The following RAB27B variants were observed in gnomAD, a reference collection of about 807,000 sequenced individuals.
RAB27B encodes RAB27B, member RAS oncogene family.
A neutral mutation model predicts 24.6 loss-of-function variants in RAB27B; 15 were observed. The observed-to-expected ratio is 0.61, with a 90% CI of 0.41 to 0.94. The LOEUF (loss-of-function observed/expected upper bound fraction) is 0.94, where lower values mean the gene tolerates loss of function less well. RAB27B is among the 40% of genes least tolerant of loss of function. The pLI is 0.00. For missense variants in RAB27B, 261 were observed against 266.8 expected, an observed-to-expected ratio of 0.98 and a Z score of 0.15; for synonymous variants, 105 against 92.5, an observed-to-expected ratio of 1.14 and a Z score of -0.78.
intron 2 of RAB27B, among the ~76,000 whole-genome samples, chr18:54,786,005 T>C (rs1439968932): frequency 6.6e-6 from 1 of 152,210 alleles, no homozygotes; most frequent in Admixed American, 6.5e-5. Context: ...AAAACCACAT[T>C]CTCTTTCCAT....
At chr18:54,782,334 C>G (rs557249808) in intron 2 of RAB27B, among the ~76,000 whole-genome samples, 1 of 152,270 alleles carries the variant, frequency 6.6e-6, no homozygotes, top group African/African-American at 2.4e-5. Context: ...TTAGCACAGA[C>G]TTGGAAAATT....
chr18:54,782,090 G>A (rs1261600135), intron 2 of RAB27B, among the ~76,000 whole-genome samples: 1 of 152,162 alleles, frequency 6.6e-6, no homozygotes, highest in Non-Finnish European at 1.5e-5. Context: ...ATTTACTCTT[G>A]GCTATCATGC....
At chr18:54,836,704 G>A (rs1210513151) in intron 1 of RAB27B, among the ~76,000 whole-genome samples, 1 of 151,950 alleles carries the variant, frequency 6.6e-6, no homozygotes, top group Non-Finnish European at 1.5e-5. Flanking sequence ...CTAAAAGTGT[G>A]TAGACATTAA....
intron 2 of RAB27B, among the ~76,000 whole-genome samples, chr18:54,760,858 A>G (rs1188151056): frequency 6.6e-6 from 1 of 152,172 alleles, no homozygotes; most frequent in Non-Finnish European, 1.5e-5. Context: ...GAGATAAAGC[A>G]TTACAGCTAG....
At chr18:54,741,762 A>G (rs760149047) in intron 2 of RAB27B, among the ~76,000 whole-genome samples, 5 of 152,104 alleles carry the variant, frequency 3.3e-5, no homozygotes, top group African/African-American at 4.8e-5. Flanking sequence ...TCCATCTCCC[A>G]AAGTGCTGAG....
chr18:54,857,249 C>T (rs1255970517), intron 1 of RAB27B, among the ~76,000 whole-genome samples: 1 of 152,188 alleles, frequency 6.6e-6, no homozygotes, highest in Non-Finnish European at 1.5e-5. Context: ...TATGTGCTGT[C>T]TTACCTACCC....
intron 2 of RAB27B, among the ~76,000 whole-genome samples, chr18:54,738,094 C>T (rs558343108): frequency 1.3e-5 from 2 of 152,054 alleles, no homozygotes; most frequent in Admixed American, 1.3e-4. Flanking sequence ...AGAGAAGAGC[C>T]TACGTATTAT....
At chr18:54,795,710 A>C (rs1909394203) in intron 2 of RAB27B, among the ~76,000 whole-genome samples, 1 of 152,184 alleles carries the variant, frequency 6.6e-6, no homozygotes, top group Non-Finnish European at 1.5e-5. Flanking sequence ...CTTTAAAACC[A>C]GAAGGGTCAA....
At chr18:54,744,584 C>T (rs1025168882) in intron 2 of RAB27B, among the ~76,000 whole-genome samples, 16 of 152,144 alleles carry the variant, frequency 1.1e-4, no homozygotes, top group African/African-American at 1.9e-4. Context: ...TTGATCATTA[C>T]GTATACATTG....
rs546550185 is a variant in RAB27B at position 54,730,930 on chromosome 18, G to C, written c.-20+12789G>C. Among the ~76,000 whole-genome samples, 33 of 152,270 alleles carry C rather than the reference G, an allele frequency of 2.2e-4. No homozygotes were observed. In the South Asian group the frequency reaches 3.3e-3, roughly 15 times the overall value. ...ACATTGTTACTGTTTTTCTCTCTGT[G>C]AAAGCTTTTGAGAATCTAGAATTGG... On this transcript the variant is annotated intron_variant, in intron 2 of 4. Coordinates refer to the RAB27B transcript ENST00000586570.
intron 2 of RAB27B, among the ~76,000 whole-genome samples, chr18:54,735,519 T>C (rs28680833): frequency 0.012 from 1,792 of 152,114 alleles, 45 homozygotes; most frequent in African/African-American, 0.041. Context: ...TTTCAGATAA[T>C]TTTTCTGACA....
intron 2 of RAB27B, among the ~76,000 whole-genome samples, chr18:54,761,249 C>T (rs1908179739): frequency 6.6e-6 from 1 of 151,998 alleles, no homozygotes; most frequent in African/African-American, 2.4e-5. Flanking sequence ...TCTTTGCTTT[C>T]CTTTTAGATA....
At chr18:54,771,605 TG>T in intron 2 of RAB27B, among the ~76,000 whole-genome samples, 1 of 127,140 alleles carries the variant, frequency 7.9e-6, no homozygotes, top group Non-Finnish European at 1.7e-5. Context: ...TGTGTGTGTG[TG>T]TGTGTGTGTG....
intron 2 of RAB27B, among the ~76,000 whole-genome samples, chr18:54,820,479 T>G (rs548228109): frequency 3.4e-4 from 52 of 152,364 alleles, no homozygotes; most frequent in Admixed American, 1.1e-3. Flanking sequence ...TTTTTTCTTG[T>G]AAATTTGTTT....
intron 2 of RAB27B, among the ~76,000 whole-genome samples, chr18:54,802,685 A>G (rs1156410431): frequency 6.6e-6 from 1 of 152,218 alleles, no homozygotes; most frequent in Non-Finnish European, 1.5e-5. Flanking sequence ...GAGAGTTTAA[A>G]CATGTAAGCT....
intron 2 of RAB27B, among the ~76,000 whole-genome samples, chr18:54,814,547 A>C (rs1910065196): frequency 1.3e-5 from 2 of 152,176 alleles, no homozygotes; most frequent in African/African-American, 4.8e-5. Context: ...TCCAGAGCAG[A>C]TTACCCTCCT....
At chr18:54,741,787 C>T (rs1482820822) in intron 2 of RAB27B, among the ~76,000 whole-genome samples, 1 of 152,188 alleles carries the variant, frequency 6.6e-6, no homozygotes, top group Admixed American at 6.5e-5. Flanking sequence ...CAGGGGTGAA[C>T]CACTGTACCT....
chr18:54,855,343 G>C (rs1911740855), intron 1 of RAB27B, among the ~76,000 whole-genome samples: 1 of 152,148 alleles, frequency 6.6e-6, no homozygotes, highest in African/African-American at 2.4e-5. Flanking sequence ...TGACCAATGG[G>C]ACCATGCCAA....
intron 1 of RAB27B, among the ~76,000 whole-genome samples, chr18:54,833,309 C>G (rs1224127204): frequency 2.7e-5 from 4 of 145,632 alleles, no homozygotes; most frequent in African/African-American, 7.7e-5. Flanking sequence ...TCATTGCAAT[C>G]TCCCTCCCCG....
Sources: gnomAD v4.1 joint callset for allele counts (sites outside exome capture counted in the v4.1 genomes callset) on GRCh38, gnomAD v4.1.1 for gene constraint, MANE v1.5 for transcripts, NCBI Gene and HGNC (gene_info 2026-07-23, HGNC 2026-07-21) for gene names.